CNTN5: variants seen among roughly 807,000 people sequenced by gnomAD.
The protein encoded by CNTN5 is contactin 5.
CNTN5 carries 77 observed loss-of-function variants against 129.1 expected under a neutral mutation model. The observed-to-expected ratio is 0.60, with a 90% confidence interval of 0.50 to 0.72. CNTN5 has a LOEUF of 0.72. CNTN5 is among the 30% of genes least tolerant of loss of function. CNTN5 has a pLI of 0.00. For missense variants in CNTN5, 1,478 were observed against 1,328.8 expected (o/e 1.11, Z -1.75); for synonymous variants, 509 against 465.6 (o/e 1.09, Z -1.20).
chr11:100,264,756 G>A (rs995964891), intron 17 of CNTN5, among the ~76,000 whole-genome samples: 2 of 152,086 alleles, frequency 1.3e-5, no homozygotes, highest in Admixed American at 6.6e-5. Flanking sequence ...CCAGTAATGC[G>A]ATTGCTGGGT....
chr11:100,332,755 G>C (rs1010151140), intron 21 of CNTN5, among the ~76,000 whole-genome samples: 1 of 152,070 alleles, frequency 6.6e-6, no homozygotes, highest in African/African-American at 2.4e-5. Flanking sequence ...ATCTCTTTAT[G>C]ATTAAAATCC....
intron 3 of CNTN5, among the ~76,000 whole-genome samples, chr11:99,716,218 G>T (rs1294807736): frequency 6.6e-6 from 1 of 151,928 alleles, no homozygotes; most frequent in East Asian, 1.9e-4. Context: ...AACAATTCCT[G>T]TTGGAGTACT....
At position 99,170,860 on chromosome 11, in the gene CNTN5, T is replaced by G. The variant is rs1861115058; in HGVS notation, c.-210+149590T>G. Among the ~76,000 whole-genome samples, 3 of 152,222 alleles carry G rather than the reference T, an allele frequency of 2.0e-5. 1 individual carries two copies. The South Asian group carries it at 6.2e-4, about 32-fold the overall frequency. Reference sequence around the variant, plus strand: ...CTCAGTGCTAAATAGTCAGTGATCATGAAGTCATGGTGTTACCACAAAGCT... The same window carrying G: ...CTCAGTGCTAAATAGTCAGTGATCAGGAAGTCATGGTGTTACCACAAAGCT... On this transcript the variant is annotated intron_variant, in intron 1 of 24. Coordinates refer to ENST00000524871, the MANE Select transcript of CNTN5 (RefSeq NM_014361.4).
At chr11:99,092,612 C>G (rs1013930511) in intron 1 of CNTN5, among the ~76,000 whole-genome samples, 1 of 151,920 alleles carries the variant, frequency 6.6e-6, no homozygotes, top group Admixed American at 6.6e-5. Context: ...TATCCATTAA[C>G]TTAGAAACCA....
chr11:99,398,829 G>T (rs1242905989), intron 2 of CNTN5, among the ~76,000 whole-genome samples: 1 of 151,820 alleles, frequency 6.6e-6, no homozygotes. Flanking sequence ...GGGCAGCTAT[G>T]TGCTGACAAC....
intron 1 of CNTN5, among the ~76,000 whole-genome samples, chr11:99,258,639 G>A (rs533785074): frequency 6.6e-6 from 1 of 151,866 alleles, no homozygotes; most frequent in Non-Finnish European, 1.5e-5. Context: ...TTAACCACAT[G>A]TAATAAACTC....
intron 3 of CNTN5, among the ~76,000 whole-genome samples, chr11:99,726,218 G>A (rs1943332700): frequency 6.6e-6 from 1 of 152,200 alleles, no homozygotes; most frequent in South Asian, 2.1e-4. Context: ...TAAGACAGTA[G>A]CGAGCAGTGG....
intron 17 of CNTN5, among the ~76,000 whole-genome samples, chr11:100,263,361 G>A (rs749995288): frequency 1.3e-5 from 2 of 152,148 alleles, no homozygotes; most frequent in Non-Finnish European, 2.9e-5. Flanking sequence ...ATTTTATTGT[G>A]TAGGTAAATG....
chr11:99,132,365 A>C (rs1409035459), intron 1 of CNTN5, among the ~76,000 whole-genome samples: 2 of 152,206 alleles, frequency 1.3e-5, no homozygotes, highest in Non-Finnish European at 2.9e-5. Flanking sequence ...GCCCTCTCTC[A>C]CCACTGTTAT....
chr11:99,696,281 T>A (rs1311579398), intron 3 of CNTN5, among the ~76,000 whole-genome samples: 1 of 152,268 alleles, frequency 6.6e-6, no homozygotes, highest in African/African-American at 2.4e-5. Flanking sequence ...AAGCATACTC[T>A]CACAGAGTTT....
rs529778218 is a variant in CNTN5, at chr11:99,991,818, T to C, written c.878-10216T>C. 2.0e-4 allele frequency among the ~76,000 whole-genome samples: 31 copies of C among 152,298 alleles called. 1 individual carries two copies. The South Asian group carries it at 3.5e-3, about 17-fold the overall frequency. On this transcript the variant is annotated intron_variant, in intron 8 of 24. Transcript: ENST00000524871. ...GAGACTCAGACTTCCTGGTCTCTGA[T>C]TGAAAAGTTTCAACCTCAGCTGCCC...
At chr11:100,269,152 A>T (rs1031292414) in intron 17 of CNTN5, among the ~76,000 whole-genome samples, 1 of 152,192 alleles carries the variant, frequency 6.6e-6, no homozygotes, top group Non-Finnish European at 1.5e-5. Flanking sequence ...AAGTTTTGAA[A>T]AGTGTTTCAA....
At chr11:99,084,998 T>C (rs1865944965) in intron 1 of CNTN5, among the ~76,000 whole-genome samples, 1 of 152,172 alleles carries the variant, frequency 6.6e-6, no homozygotes, top group African/African-American at 2.4e-5. Flanking sequence ...TCACATTATG[T>C]TGGTGAGGAA....
At chr11:99,614,449 C>G (rs1950695347) in intron 3 of CNTN5, among the ~76,000 whole-genome samples, 1 of 152,158 alleles carries the variant, frequency 6.6e-6, no homozygotes, top group South Asian at 2.1e-4. Context: ...GACTTAAGGA[C>G]TCCATCTGTT....
intron 3 of CNTN5, among the ~76,000 whole-genome samples, chr11:99,816,029 A>T (rs943681979): frequency 6.6e-6 from 1 of 152,024 alleles, no homozygotes; most frequent in African/African-American, 2.4e-5. Context: ...CTTCACCATC[A>T]ATTATTTTAA....
chr11:99,908,203 A>T (rs1342377167), intron 6 of CNTN5, among the ~76,000 whole-genome samples: 1 of 152,088 alleles, frequency 6.6e-6, no homozygotes, highest in Non-Finnish European at 1.5e-5. Flanking sequence ...GGGGAATAAA[A>T]TGAAGGGAGA....
At chr11:99,751,724 A>G in intron 3 of CNTN5, among the ~76,000 whole-genome samples, 1 of 152,190 alleles carries the variant, frequency 6.6e-6, no homozygotes, top group East Asian at 1.9e-4. Flanking sequence ...TCTATAAGCC[A>G]AGTTCAGTTG....
intron 1 of CNTN5, among the ~76,000 whole-genome samples, chr11:99,254,514 A>G (rs1036642422): frequency 2.0e-5 from 3 of 152,070 alleles, no homozygotes; most frequent in Admixed American, 6.6e-5. Flanking sequence ...AATTGAAGCT[A>G]TTGCTTTGGC....
chr11:99,437,681 A>G (rs533669215), intron 2 of CNTN5, among the ~76,000 whole-genome samples: 49 of 152,238 alleles, frequency 3.2e-4, no homozygotes, highest in African/African-American at 1.1e-3. Context: ...TACAAAAATT[A>G]GCCGGGTGGC....
Sources: gnomAD v4.1 joint callset for allele counts (sites outside exome capture counted in the v4.1 genomes callset) on GRCh38, gnomAD v4.1.1 for gene constraint, MANE v1.5 for transcripts, NCBI Gene and HGNC (gene_info 2026-07-23, HGNC 2026-07-21) for gene names.